The following SLCO5A1 variants were observed in gnomAD, a reference collection of about 807,000 sequenced individuals.
SLCO5A1 encodes the protein organic anion transporter polypeptide-related protein 4.
In SLCO5A1, 39 loss-of-function variants were observed where a neutral mutation model predicts 65.1. That is an observed-to-expected ratio of 0.60 (90% confidence interval 0.46 to 0.78). SLCO5A1 has a LOEUF of 0.78. Among genes scored for constraint, SLCO5A1 ranks in the 30% least tolerant of loss-of-function variants. The pLI, the probability that SLCO5A1 is intolerant of heterozygous loss-of-function variation, is 0.00. For synonymous variants in SLCO5A1, 438 were observed against 415.7 expected (o/e 1.05, Z -0.65); for missense variants, 1,029 against 1,069.4 (o/e 0.96, Z 0.53).
chr8:69,811,395 CTT>C (rs936104503), intron 2 of SLCO5A1, among the ~76,000 whole-genome samples: 17 of 152,210 alleles, frequency 1.1e-4, no homozygotes, highest in Admixed American at 1.1e-3. Flanking sequence ...CCGTGTCACT[CTT>C]TGCTTCGTAG....
intron 2 of SLCO5A1, among the ~76,000 whole-genome samples, chr8:69,807,458 G>A (rs1274154678): frequency 6.6e-6 from 1 of 152,106 alleles, no homozygotes; most frequent in Non-Finnish European, 1.5e-5. Flanking sequence ...TATTCCTTCT[G>A]TTTAATCGAA....
chr8:69,743,690 A>T (rs1816899563), intron 4 of SLCO5A1, among the ~76,000 whole-genome samples: 1 of 152,178 alleles, frequency 6.6e-6, no homozygotes, highest in South Asian at 2.1e-4. Context: ...GTGGCTCCTT[A>T]TACAGAAGCT....
intron 2 of SLCO5A1, among the ~76,000 whole-genome samples, chr8:69,771,593 C>T (rs1482635121): frequency 3.3e-5 from 5 of 152,060 alleles, no homozygotes; most frequent in Admixed American, 6.5e-5. Context: ...TCTTACTCTT[C>T]TCTTATGTGG....
chr8:69,822,384 G>A (rs1485754896), intron 2 of SLCO5A1, among the ~76,000 whole-genome samples: 1 of 152,150 alleles, frequency 6.6e-6, no homozygotes, highest in African/African-American at 2.4e-5. Context: ...TGTTGGCATG[G>A]AGAAAGTTCT....
At chr8:69,770,079 A>G (rs1399459950) in intron 2 of SLCO5A1, among the ~76,000 whole-genome samples, 1 of 152,190 alleles carries the variant, frequency 6.6e-6, no homozygotes, top group East Asian at 1.9e-4. Context: ...TTGTTCCGTA[A>G]TTATGTTTTT....
chr8:69,801,971 A>G (rs1268882764), intron 2 of SLCO5A1, among the ~76,000 whole-genome samples: 3 of 152,198 alleles, frequency 2.0e-5, no homozygotes, highest in Admixed American at 2.0e-4. Context: ...ATTATTTGGA[A>G]CAGCCTATTT....
chr8:69,765,401 T>TACAC (rs374857488), intron 2 of SLCO5A1, among the ~76,000 whole-genome samples: 4 of 149,638 alleles, frequency 2.7e-5, no homozygotes, highest in African/African-American at 7.4e-5. Context: ...TATATATATA[T>TACAC]ACACACACAC....
At chr8:69,831,630 G>C (rs80084979) in intron 2 of SLCO5A1, 137 bp downstream of exon 2, 14,825 of 969,112 alleles carry the variant, frequency 0.015, 137 homozygotes, top group Non-Finnish European at 0.019. Context: ...CTACAGCAAG[G>C]CTAAAACGTA....
chr8:69,719,694 T>C (rs893471222), intron 5 of SLCO5A1: 1 of 152,208 alleles, frequency 6.6e-6, no homozygotes, highest in Non-Finnish European at 1.5e-5. Flanking sequence ...AAACTCCTGT[T>C]CGTTTCTTCC....
intron 3 of SLCO5A1, among the ~76,000 whole-genome samples, chr8:69,757,794 CAGGCACT>C (rs1817594823): frequency 9.3e-6 from 1 of 107,698 alleles, no homozygotes; most frequent in Non-Finnish European, 2.0e-5. Flanking sequence ...CAGGCACTAT[CAGGCACT>C]GCTCACTTGC....
At chr8:69,798,428 C>T (rs1424172795) in intron 2 of SLCO5A1, among the ~76,000 whole-genome samples, 1 of 152,130 alleles carries the variant, frequency 6.6e-6, no homozygotes, top group Non-Finnish European at 1.5e-5. Flanking sequence ...GATGAGGCCT[C>T]AGGAAAGTTA....
At position 69,705,168 on chromosome 8, in the gene SLCO5A1, T is replaced by C. The variant is rs1383111931; in HGVS notation, c.1485A>G (p.Lys495=). Residue 495 remains lysine, a synonymous_variant, in exon 6 of 10, where the codon AAA becomes AAG. Coordinates refer to ENST00000260126, the MANE Select transcript of SLCO5A1 (RefSeq NM_030958.3). Reference sequence around the variant, plus strand: ...CAGATTCTCTGGCACCAAGTTTCAATTTTTTTATAATGTAGCCTCCGAGGA... The same window carrying C: ...CAGATTCTCTGGCACCAAGTTTCAACTTTTTTATAATGTAGCCTCCGAGGA... The part of the protein sequence containing the change: ...GIVLGGYIIK[K]LKLGARESAK... 6.2e-7 allele frequency: 1 copy of C among 1,614,106 alleles called. No individual in the cohort carries two copies. Among genetic ancestry groups the C allele is most frequent in the South Asian group, 1.1e-5 (1 of 91,078 alleles).
intron 5 of SLCO5A1, among the ~76,000 whole-genome samples, chr8:69,726,299 T>C (rs1816072003): frequency 6.6e-6 from 1 of 152,158 alleles, no homozygotes. Context: ...ATTGGAAAAA[T>C]AAATGCAGAG....
At chr8:69,823,475 C>T (rs1820738572) in intron 2 of SLCO5A1, among the ~76,000 whole-genome samples, 2 of 152,088 alleles carry the variant, frequency 1.3e-5, no homozygotes, top group South Asian at 2.1e-4. Context: ...GGGTTGCAAT[C>T]CTAGTCTCTG....
chr8:69,811,767 C>T (rs1005966293), intron 2 of SLCO5A1, among the ~76,000 whole-genome samples: 1 of 152,202 alleles, frequency 6.6e-6, no homozygotes, highest in East Asian at 1.9e-4. Flanking sequence ...TAACCATGTG[C>T]CAGGCCAGGC....
chr8:69,821,431 AAGGAGGAGG>A (rs555133111), intron 2 of SLCO5A1, among the ~76,000 whole-genome samples: 1 of 151,488 alleles, frequency 6.6e-6, no homozygotes. Flanking sequence ...GAAGAGGAAG[AAGGAGGAGG>A]AGGAGGAGGA....
At chr8:69,766,342 C>T (rs556955968) in intron 2 of SLCO5A1, among the ~76,000 whole-genome samples, 12 of 152,318 alleles carry the variant, frequency 7.9e-5, no homozygotes, top group African/African-American at 2.9e-4. Flanking sequence ...TGTGTAGCTA[C>T]AGGGACGTGC....
chr8:69,792,939 GT>G (rs1208870109), intron 2 of SLCO5A1, among the ~76,000 whole-genome samples: 1 of 151,354 alleles, frequency 6.6e-6, no homozygotes, highest in Non-Finnish European at 1.5e-5. Flanking sequence ...GTTTTTTTTC[GT>G]TTGTTTGTTT....
At chr8:69,681,108 A>T (rs1001384728) in intron 7 of SLCO5A1, among the ~76,000 whole-genome samples, 8 of 152,228 alleles carry the variant, frequency 5.3e-5, no homozygotes, top group African/African-American at 1.9e-4. Flanking sequence ...ATAATGGGGA[A>T]CAAACAACAG....
Sources: gnomAD v4.1 joint callset for allele counts (sites outside exome capture counted in the v4.1 genomes callset) on GRCh38, gnomAD v4.1.1 for gene constraint, MANE v1.5 for transcripts, NCBI Gene and HGNC (gene_info 2026-07-23, HGNC 2026-07-21) for gene names.